Variants in ARHGAP32 observed in about 807,000 individuals in gnomAD.
The protein encoded by ARHGAP32 is Rho GTPase activating protein 32.
A neutral mutation model predicts 186.5 loss-of-function variants in ARHGAP32; 51 were observed. The ratio of observed to expected loss-of-function variants is 0.27; its 90% confidence interval spans 0.22 to 0.35. The LOEUF is 0.35. ARHGAP32 is among the 10% of genes least tolerant of loss of function. The pLI is 1.00. For missense variants in ARHGAP32, 2,186 were observed against 2,623.5 expected, an observed-to-expected ratio of 0.83 and a Z score of 3.64; for synonymous variants, 950 against 964.3, an observed-to-expected ratio of 0.99 and a Z score of 0.27.
chr11:129,032,203 C>T (rs1189028290), intron 11 of ARHGAP32, among the ~76,000 whole-genome samples: 4 of 152,218 alleles, frequency 2.6e-5, no homozygotes, highest in Admixed American at 2.0e-4. Context: ...TAAAAGAGCA[C>T]ACTGTAACAC....
rs1277042936 is a variant in ARHGAP32, at chr11:129,062,402, T to A, written c.886-45A>T. On this transcript the variant is annotated intron_variant, in intron 9 of 22. Transcript: ENST00000682385. Reference sequence around the variant, plus strand: ...AAGCAAAATGGTTTTAGTTAAATTTTAAACCAATTGTTATACCTAGAATTT... The same window carrying A: ...AAGCAAAATGGTTTTAGTTAAATTTAAAACCAATTGTTATACCTAGAATTT... 3.3e-6 allele frequency: 5 copies of A among 1,507,354 alleles called. No homozygotes were observed. In the Admixed American group the frequency reaches 8.4e-5, roughly 25 times the overall value. 93.4% of individuals were successfully genotyped at this position (1,507,354 alleles called of 1,614,324 possible).
intron 10 of ARHGAP32, among the ~76,000 whole-genome samples, chr11:129,046,948 C>T (rs2135055992): frequency 6.6e-6 from 1 of 152,018 alleles, no homozygotes; most frequent in South Asian, 2.1e-4. Context: ...AATGGTGAAA[C>T]CCCGTCTCTA....
At chr11:129,146,852 A>C (rs888704338) in intron 2 of ARHGAP32, among the ~76,000 whole-genome samples, 1 of 152,086 alleles carries the variant, frequency 6.6e-6, no homozygotes, top group South Asian at 2.1e-4. Context: ...AAGCCCTTTT[A>C]TCTCTGAAGT....
intron 2 of ARHGAP32, among the ~76,000 whole-genome samples, chr11:129,149,726 G>A (rs369973794): frequency 1.3e-5 from 2 of 151,808 alleles, no homozygotes; most frequent in South Asian, 4.2e-4. Flanking sequence ...GACACAACAG[G>A]ATTCTACACT....
At chr11:129,124,781 T>A (rs1942621566) in intron 3 of ARHGAP32, 22 bp downstream of exon 3, 1 of 1,519,586 alleles carries the variant, frequency 6.6e-7, no homozygotes, top group Admixed American at 2.0e-5. Flanking sequence ...TCATTTAGAA[T>A]CCACTGTAAA....
At chr11:129,233,371 A>C (rs1189725634) in intron 1 of ARHGAP32, among the ~76,000 whole-genome samples, 1 of 152,160 alleles carries the variant, frequency 6.6e-6, no homozygotes, top group African/African-American at 2.4e-5. Context: ...GAATTTCCAT[A>C]ATAAAAAGAT....
At chr11:129,028,216 T>A (rs1938949037) in intron 11 of ARHGAP32, among the ~76,000 whole-genome samples, 1 of 152,238 alleles carries the variant, frequency 6.6e-6, no homozygotes, top group Admixed American at 6.5e-5. Context: ...AACTCAAAAT[T>A]TTTTTGAGAG....
At chr11:129,221,346 A>G (rs1047460414) in intron 1 of ARHGAP32, among the ~76,000 whole-genome samples, 1 of 152,180 alleles carries the variant, frequency 6.6e-6, no homozygotes, top group Non-Finnish European at 1.5e-5. Context: ...TTATTAATGA[A>G]TAAGAACAAA....
chr11:129,057,693 G>A (rs1340765658), intron 10 of ARHGAP32, among the ~76,000 whole-genome samples: 5 of 122,136 alleles, frequency 4.1e-5, no homozygotes, highest in African/African-American at 1.5e-4. Context: ...ATTTTCAATA[G>A]CGTTTGATAA....
In ARHGAP32 at chr11:128,969,655, G is replaced by T. The variant is rs1945303092; in HGVS notation, c.5558C>A (p.Ala1853Asp). ...GCTACCATGGCCTCCGTGATGGTGG[G>T]CTCTGTCCATCTCTGCCTCGGGATG... The part of the protein sequence containing the change: ...RRHPEAEMDR[A>D]HHHGGHGSTQ... Residue 1853 changes from alanine (A) to aspartate (D), a missense_variant, in exon 23 of 23, where the codon GCC (alanine) becomes GAC (aspartate). By Grantham distance (126) the Ala-to-Asp change is moderately radical. Transcript: ENST00000682385. This position sits in a 1 kb window ranked among gnomAD's most constrained non-coding sequence, Gnocchi z 4.8. The T allele has an allele frequency of 3.1e-6, 5 of 1,613,918 alleles. No homozygotes were observed. The highest frequency in any genetic ancestry group is 4.2e-6 in the Non-Finnish European group (5 of 1,180,038).
chr11:129,066,969 A>G (rs941478835), intron 6 of ARHGAP32, 101 bp from the exon 7 acceptor site: 3 of 1,006,310 alleles, frequency 3.0e-6, no homozygotes, highest in Non-Finnish European at 4.3e-6. Context: ...GAGATTTTAT[A>G]TTTTCTAATG....
chr11:129,208,826 CA>C (rs1944546617), intron 1 of ARHGAP32, among the ~76,000 whole-genome samples: 2 of 151,780 alleles, frequency 1.3e-5, no homozygotes, highest in Admixed American at 1.3e-4. Context: ...GCAAAGAAAA[CA>C]AGTGACAAAA....
At chr11:129,159,330 A>T (rs1276589958) in intron 2 of ARHGAP32, among the ~76,000 whole-genome samples, 2 of 152,190 alleles carry the variant, frequency 1.3e-5, no homozygotes, top group Non-Finnish European at 2.9e-5. Flanking sequence ...AAGAAAAGAG[A>T]GAAGAATAAA....
In ARHGAP32 at chr11:128,972,939, C is replaced by T. The variant is rs749601273; in HGVS notation, c.3567G>A (p.Lys1189=). ...RITSVPLDSE[K]SDDHVSFPED... ...CAGGGAAACTTACATGATCATCAGA[C>T]TTCTCTGAGTCTAAGGGAACTGAAG... The change falls in exon 22 of 23, where the codon AAG becomes AAA. Residue 1189 remains lysine (K), a synonymous_variant. Coordinates refer to ENST00000682385, the MANE Select transcript of ARHGAP32 (RefSeq NM_001378024.1). 6.2e-7 allele frequency: 1 copy of T among 1,614,016 alleles called. No individual in the cohort carries two copies. The highest frequency in any genetic ancestry group is 8.5e-7 in the Non-Finnish European group (1 of 1,180,030).
In ARHGAP32 at chr11:128,974,846, G is replaced by A. The variant is rs746670001; in HGVS notation, c.2351C>T (p.Pro784Leu). 5.6e-6 allele frequency: 9 copies of A among 1,613,982 alleles called. No homozygotes were observed. Among genetic ancestry groups the A allele is most frequent in the Middle Eastern group, 1.6e-4 (1 of 6,082 alleles). The part of the protein sequence containing the change: ...SEEEGGLLHI[P>L]ALMSPHSAED... ...AGCTGAATGAGGAGACATAAGGGCT[G>A]GGATATGAAGCAGCCCTCCTTCCTC... Residue 784 changes from proline (P) to leucine (L), a missense_variant, in exon 21 of 23, where the codon CCA becomes CTA. Transcript: ENST00000682385.
Position 129,124,844 on chromosome 11 carries a change from C to T in ARHGAP32, c.276G>A (p.Thr92=), listed in dbSNP as rs76444326. ...PEIPGDLTLK[T]CGSTASMKVK... The stretch of plus-strand genomic sequence containing the variant: ...CCTTCATACTGGCTGTACTGCCACA[C>T]GTCTTAAGAGTAAGATCTCCAGGAA... The change falls in exon 3 of 23, where the codon ACG becomes ACA. Residue 92 remains threonine, a synonymous_variant. Transcript: ENST00000682385. 4.3e-3 allele frequency: 7,003 copies of T among 1,610,954 alleles called. 229 individuals are homozygous for T. The African/African-American group carries it at 0.076, about 17-fold the overall frequency.
chr11:129,207,991 C>T (rs1241086747), intron 1 of ARHGAP32, among the ~76,000 whole-genome samples: 1 of 152,154 alleles, frequency 6.6e-6, no homozygotes, highest in African/African-American at 2.4e-5. Flanking sequence ...ACACAATCCA[C>T]TAAGAAGAAG....
At chr11:128,973,814 G>C (rs1945464909) in intron 21 of ARHGAP32, 4 of 515,310 alleles carry the variant, frequency 7.8e-6, no homozygotes, top group East Asian at 3.0e-5. Flanking sequence ...CTACAATAAA[G>C]ATATTTTATT....
intron 7 of ARHGAP32, 91 bp from the exon 8 acceptor site, chr11:129,065,024 T>C: frequency 2.9e-6 from 3 of 1,025,542 alleles, no homozygotes; most frequent in South Asian, 3.0e-5. Flanking sequence ...AAAAAATCTA[T>C]AGATCTTTAG....
Sources: gnomAD v4.1 joint callset for allele counts (sites outside exome capture counted in the v4.1 genomes callset) on GRCh38, gnomAD v4.1.1 for gene constraint, Gnocchi (gnomAD v3.1) non-coding constraint, MANE v1.5 for transcripts, NCBI Gene and HGNC (gene_info 2026-07-23, HGNC 2026-07-21) for gene names.